GRM8: variants seen among roughly 807,000 people sequenced by gnomAD.
The protein encoded by GRM8 is metabotropic glutamate receptor 8.
GRM8 carries 47 observed loss-of-function variants against 87.2 expected under a neutral mutation model. The ratio of observed to expected loss-of-function variants is 0.54; its 90% CI spans 0.43 to 0.69. The LOEUF (loss-of-function observed/expected upper bound fraction) is 0.69. Among genes scored for constraint, GRM8 ranks in the 30% least tolerant of loss-of-function variants. The pLI is 0.00. For missense variants in GRM8, 1,019 were observed against 1,139.2 expected, an observed-to-expected ratio of 0.89 and a Z score of 1.52; for synonymous variants, 396 against 404.5, an observed-to-expected ratio of 0.98 and a Z score of 0.25.
chr7:126,706,117 T>C (rs766538402), intron 7 of GRM8, among the ~76,000 whole-genome samples: 19 of 152,324 alleles, frequency 1.2e-4, no homozygotes, highest in Admixed American at 2.6e-4. Context: ...AAGTAACATC[T>C]GAATTTTTCT....
chr7:126,474,952 A>G (rs985147559), intron 9 of GRM8, among the ~76,000 whole-genome samples: 1 of 152,204 alleles, frequency 6.6e-6, no homozygotes. Context: ...GATAAAAATA[A>G]TTCTCAACAA....
chr7:126,904,776 TATGA>T (rs1271910616), intron 3 of GRM8, 93 bp from the exon 4 acceptor site: 10 of 1,079,030 alleles, frequency 9.3e-6, no homozygotes, highest in Non-Finnish European at 1.2e-5. Flanking sequence ...CATACTTCTG[TATGA>T]ATATTATTTC....
At chr7:126,971,359 G>C (rs972100338) in intron 3 of GRM8, among the ~76,000 whole-genome samples, 1 of 151,980 alleles carries the variant, frequency 6.6e-6, no homozygotes, top group African/African-American at 2.4e-5. Flanking sequence ...AATAACAATG[G>C]TAAAAACATG....
At chr7:126,886,124 T>C (rs1320600611) in intron 6 of GRM8, among the ~76,000 whole-genome samples, 1 of 152,102 alleles carries the variant, frequency 6.6e-6, no homozygotes, top group African/African-American at 2.4e-5. Context: ...ACAAAGCAGG[T>C]GTTAAAACAT....
At chr7:127,188,730 T>C (rs1172602254) in intron 2 of GRM8, among the ~76,000 whole-genome samples, 1 of 152,196 alleles carries the variant, frequency 6.6e-6, no homozygotes, top group Non-Finnish European at 1.5e-5. Context: ...CAAAGCTTGT[T>C]AATAAATCAA....
chr7:126,568,945 T>C (rs2150980862), intron 8 of GRM8, among the ~76,000 whole-genome samples: 1 of 151,768 alleles, frequency 6.6e-6, no homozygotes, highest in South Asian at 2.1e-4. Flanking sequence ...GCAAGGAAAA[T>C]CAAAAAGAAA....
At chr7:127,160,553 A>ACC (rs913275214) in intron 2 of GRM8, among the ~76,000 whole-genome samples, 1 of 151,846 alleles carries the variant, frequency 6.6e-6, no homozygotes, top group African/African-American at 2.4e-5. Context: ...ACACACACAC[A>ACC]CCCCTCACAA....
chr7:126,992,339 G>A (rs897640683), intron 3 of GRM8, among the ~76,000 whole-genome samples: 21 of 152,270 alleles, frequency 1.4e-4, no homozygotes, highest in Non-Finnish European at 3.1e-4. Flanking sequence ...TATTCAGAAA[G>A]AGTGTATTGT....
chr7:126,915,382 A>G (rs894133494), intron 3 of GRM8, among the ~76,000 whole-genome samples: 4 of 152,174 alleles, frequency 2.6e-5, no homozygotes, highest in African/African-American at 9.7e-5. Context: ...ATCAAAATCA[A>G]CAGCCCCCAC....
intron 7 of GRM8, among the ~76,000 whole-genome samples, chr7:126,717,157 G>A (rs560264151): frequency 6.6e-6 from 1 of 152,274 alleles, no homozygotes; most frequent in African/African-American, 2.4e-5. Flanking sequence ...AATGAAAGTG[G>A]CTGGCACAAA....
chr7:126,812,497 T>C (rs1219227361), intron 6 of GRM8, among the ~76,000 whole-genome samples: 1 of 152,044 alleles, frequency 6.6e-6, no homozygotes, highest in Non-Finnish European at 1.5e-5. Flanking sequence ...TATGGTATTA[T>C]AATCTTAGGG....
chr7:126,558,976 AAG>A (rs1425921013), intron 8 of GRM8, among the ~76,000 whole-genome samples: 1 of 152,130 alleles, frequency 6.6e-6, no homozygotes, highest in African/African-American at 2.4e-5. Flanking sequence ...ACAATTAGTG[AAG>A]AGAGAGACGG....
In GRM8 at chr7:126,800,507, T is replaced by C. The variant is rs536419471; in HGVS notation, c.1157-30442A>G. ...AAAGAAATGTAGAACATTAGTGAGTTAGAGGTTGGTCTCTCTTGCTACACG... is the reference window on the plus strand; with the variant it reads ...AAAGAAATGTAGAACATTAGTGAGTCAGAGGTTGGTCTCTCTTGCTACACG... On this transcript the variant is annotated intron_variant, in intron 6 of 10. Transcript: ENST00000339582. Among the ~76,000 whole-genome samples, 11 of 152,302 alleles carry C rather than the reference T, an allele frequency of 7.2e-5. No homozygotes were observed. In the South Asian group the frequency reaches 2.3e-3, roughly 32 times the overall value.
chr7:126,647,595 T>C (rs1463008248), intron 7 of GRM8, among the ~76,000 whole-genome samples: 1 of 152,058 alleles, frequency 6.6e-6, no homozygotes, highest in Non-Finnish European at 1.5e-5. Flanking sequence ...AAGCTCCCTC[T>C]CCTCCATTCC....
intron 8 of GRM8, among the ~76,000 whole-genome samples, chr7:126,604,312 G>T (rs557644331): frequency 6.6e-6 from 1 of 151,980 alleles, no homozygotes. Context: ...AATACTTTGG[G>T]CTTATTGTGT....
chr7:126,848,111 T>A (rs528123161), intron 6 of GRM8, among the ~76,000 whole-genome samples: 2 of 152,296 alleles, frequency 1.3e-5, no homozygotes, highest in Admixed American at 1.3e-4. Context: ...CTGACCCTTT[T>A]CTCAATGGAA....
chr7:126,927,271 G>T (rs1805239332), intron 3 of GRM8, among the ~76,000 whole-genome samples: 1 of 152,030 alleles, frequency 6.6e-6, no homozygotes, highest in South Asian at 2.1e-4. Context: ...AAGTAGCTAG[G>T]ACTACAGCCA....
intron 8 of GRM8, among the ~76,000 whole-genome samples, chr7:126,561,063 C>T (rs1169707018): frequency 6.6e-6 from 1 of 152,208 alleles, no homozygotes; most frequent in African/African-American, 2.4e-5. Context: ...ATCCTATCAG[C>T]TGTCCACACA....
chr7:126,837,962 T>G (rs537363836), intron 6 of GRM8, among the ~76,000 whole-genome samples: 1 of 152,254 alleles, frequency 6.6e-6, no homozygotes, highest in East Asian at 1.9e-4. Flanking sequence ...CCTTAAAAAA[T>G]CTGAGAAGGA....
Sources: allele counts gnomAD v4.1 joint callset (sites outside exome capture counted in the v4.1 genomes callset), GRCh38; gene constraint gnomAD v4.1.1; transcripts MANE v1.5; gene names NCBI Gene and HGNC (gene_info 2026-07-23, HGNC 2026-07-21).